EFR3B: variants seen among roughly 807,000 people sequenced by gnomAD.
EFR3B encodes EFR3 homolog B, also known as protein EFR3 homolog B.
In EFR3B, 64 loss-of-function variants were observed where a neutral mutation model predicts 104.7. That is an observed-to-expected ratio of 0.61 (90% confidence interval 0.50 to 0.75). The LOEUF (loss-of-function observed/expected upper bound fraction) is 0.75, where lower values mean the gene tolerates loss of function less well. Among genes scored for constraint, EFR3B ranks in the 30% least tolerant of loss-of-function variants. EFR3B has a pLI of 0.00. For synonymous variants in EFR3B, 385 were observed against 417.9 expected, an observed-to-expected ratio of 0.92 and a Z score of 0.96; for missense variants, 750 against 1,078.5, an observed-to-expected ratio of 0.70 and a Z score of 4.27.
Position 25,139,123 on chromosome 2 carries a change from G to T in EFR3B, c.1787G>T (p.Gly596Val), listed in dbSNP as rs1267618542. The stretch of plus-strand genomic sequence containing the variant: ...AACCGCTGTGCCCTCTATGCTCTGG[G>T]CGCAGCCTACCTGAACCTCATCAGT... ...VYNRCALYAL[G>V]AAYLNLISQL... Residue 596 changes from glycine (G) to valine (V), a missense_variant, in exon 16 of 23, where the codon GGC becomes GTC. Physicochemically the swap from Gly to Val is moderately radical, Grantham distance 109 (BLOSUM62 -3). Coordinates refer to ENST00000403714, the MANE Select transcript of EFR3B (RefSeq NM_014971.2). 10 of 1,551,684 alleles carry T rather than the reference G, an allele frequency of 6.4e-6. 1 individual carries two copies. The highest frequency in any genetic ancestry group is 1.7e-4 in the Middle Eastern group (1 of 5,992).
Position 25,137,240 on chromosome 2 carries a change from A to G in EFR3B, c.1561-101A>G. ...CTCCCCAAGGGAGGAGGGGGCACAC[A>G]GCCATCCTGCCCCCCTTCAGATTGG... On this transcript the variant is annotated intron_variant, in intron 14 of 22. Transcript: ENST00000403714. The surrounding 1 kb of genome is among the most constrained non-coding windows in gnomAD (Gnocchi z 4.7). The G allele has an allele frequency of 7.3e-7, 1 of 1,362,238 alleles. No individual in the cohort carries two copies. Among genetic ancestry groups the G allele is most frequent in the Non-Finnish European group, 1.0e-6 (1 of 999,020 alleles). 84.4% of individuals were successfully genotyped at this position (1,362,238 alleles called of 1,614,324 possible).
At chr2:25,151,198 C>T (rs930783042) in intron 20 of EFR3B, among the ~76,000 whole-genome samples, 1 of 152,100 alleles carries the variant, frequency 6.6e-6, no homozygotes, top group African/African-American at 2.4e-5. Flanking sequence ...CCCTGCCACA[C>T]GTGTTTCATG....
At chr2:25,126,209 C>T (rs1340639005) in intron 5 of EFR3B, among the ~76,000 whole-genome samples, 2 of 152,138 alleles carry the variant, frequency 1.3e-5, no homozygotes, top group Non-Finnish European at 1.5e-5. Context: ...GACAGAGTTT[C>T]ACTCTTTCAT....
intron 1 of EFR3B, among the ~76,000 whole-genome samples, chr2:25,071,030 G>A (rs190406620): frequency 1.3e-5 from 2 of 152,034 alleles, no homozygotes; most frequent in Admixed American, 1.3e-4. Flanking sequence ...GTGCGATCTG[G>A]GCTCACTGCA....
chr2:25,047,569 A>G (rs1251601118), intron 1 of EFR3B, among the ~76,000 whole-genome samples: 1 of 150,924 alleles, frequency 6.6e-6, no homozygotes, highest in Non-Finnish European at 1.5e-5. Context: ...CGTGGTCTTG[A>G]CTCACTGCAA....
chr2:25,042,615 G>C lies in EFR3B; in HGVS notation c.7+296G>C, dbSNP rs1163861290. 2 of 1,174,984 alleles carry C rather than the reference G, an allele frequency of 1.7e-6. No individual in the cohort carries two copies. Among genetic ancestry groups the C allele is most frequent in the East Asian group, 3.7e-5 (1 of 26,732 alleles). The allele number at this position is 1,174,984 out of a possible 1,614,324, so 72.8% of individuals were successfully genotyped here. A position where few individuals can be genotyped will look rare whatever the true frequency, so the allele number is the denominator to read the frequency against. ...GGTCTCCCGGAGCCGAGCAGACCGGGAGTGCTGGAGGAGGTGGTCGTGTGG... is the reference window on the plus strand; with the variant it reads ...GGTCTCCCGGAGCCGAGCAGACCGGCAGTGCTGGAGGAGGTGGTCGTGTGG... On this transcript the variant is annotated intron_variant, in intron 1 of 22. Transcript: ENST00000403714. The surrounding 1 kb of genome is among the most constrained non-coding windows in gnomAD (Gnocchi z 5.4).
intron 5 of EFR3B, among the ~76,000 whole-genome samples, chr2:25,124,522 T>C (rs2083115): frequency 0.24 from 36,033 of 151,098 alleles, 5,227 homozygotes; most frequent in East Asian, 0.53. Flanking sequence ...GTCAGGAGAT[T>C]GAGATGGAGA....
chr2:25,053,186 C>T (rs1667927160), intron 1 of EFR3B, among the ~76,000 whole-genome samples: 1 of 152,184 alleles, frequency 6.6e-6, no homozygotes, highest in South Asian at 2.1e-4. Context: ...GGTCCCAGGC[C>T]AGTCAACAGC....
intron 2 of EFR3B, 23 bp from the exon 3 acceptor site, chr2:25,092,980 G>C (rs962202993): frequency 6.5e-7 from 1 of 1,540,764 alleles, no homozygotes; most frequent in Non-Finnish European, 8.7e-7. Flanking sequence ...GCCATAGTGA[G>C]CACAAGCTGT....
chr2:25,081,548 G>A (rs1668807023), intron 1 of EFR3B: 2 of 1,008,884 alleles, frequency 2.0e-6, no homozygotes, highest in Non-Finnish European at 1.6e-6. Context: ...CTGTGCTATT[G>A]CTGCTGTACT....
chr2:25,078,007 G>C (rs1016997295), intron 1 of EFR3B, among the ~76,000 whole-genome samples: 4 of 152,118 alleles, frequency 2.6e-5, no homozygotes, highest in African/African-American at 9.7e-5. Flanking sequence ...AGCCTTCCTA[G>C]ATTCATTAAA....
intron 1 of EFR3B, among the ~76,000 whole-genome samples, chr2:25,064,574 A>G (rs75871038): frequency 0.02 from 3,012 of 152,266 alleles, 90 homozygotes; most frequent in African/African-American, 0.069. Context: ...TCTACTCGCT[A>G]TGATGCAAGC....
At chr2:25,048,739 T>C (rs980859680) in intron 1 of EFR3B, among the ~76,000 whole-genome samples, 12 of 152,196 alleles carry the variant, frequency 7.9e-5, no homozygotes, top group Non-Finnish European at 1.5e-4. Context: ...TACTCTCTAT[T>C]CCAATATTAT....
Position 25,137,106 on chromosome 2 carries a change from T to C in EFR3B, c.1561-235T>C, listed in dbSNP as rs1670535725. Among the ~76,000 whole-genome samples, 1 of 152,172 alleles carries C rather than the reference T, an allele frequency of 6.6e-6. No homozygotes were observed. Among genetic ancestry groups the C allele is most frequent in the Non-Finnish European group, 1.5e-5 (1 of 68,026 alleles). On this transcript the variant is annotated intron_variant, in intron 14 of 22. Transcript: ENST00000403714. This position sits in a 1 kb window ranked among gnomAD's most constrained non-coding sequence, Gnocchi z 4.7. Reference sequence around the variant, plus strand: ...AGTGACTGTGTTCTGCTCCTACACCTGGATTTGGGCAGCAGCTTCTGGTGC... The same window carrying C: ...AGTGACTGTGTTCTGCTCCTACACCCGGATTTGGGCAGCAGCTTCTGGTGC...
In EFR3B at chr2:25,131,562, CAG is replaced by C; in HGVS notation, c.985+66_985+67del. The stretch of plus-strand genomic sequence containing the variant: ...ACCCCGCGGAGGCTGCCGCCTCTTA[CAG>C]AGAGAGGCAAGGGACAACAGGGAGG... On this transcript the variant is annotated intron_variant, in intron 9 of 22. Transcript: ENST00000403714. This position sits in a 1 kb window ranked among gnomAD's most constrained non-coding sequence, Gnocchi z 7.6. 6.5e-7 allele frequency: 1 copy of C among 1,540,856 alleles called. No homozygotes were observed. Among genetic ancestry groups the C allele is most frequent in the Non-Finnish European group, 8.8e-7 (1 of 1,141,514 alleles).
At chr2:25,146,804 G>A (rs1670829781) in intron 19 of EFR3B, 1 of 152,392 alleles carries the variant, frequency 6.6e-6, no homozygotes, top group African/African-American at 2.4e-5. Flanking sequence ...TCAGCCATCA[G>A]TGCCAGTCCA....
At position 25,049,933 on chromosome 2, in the gene EFR3B, T is replaced by C. The variant is rs61712548; in HGVS notation, c.7+7614T>C. 1.0e-2 allele frequency among the ~76,000 whole-genome samples: 1,453 copies of C among 145,772 alleles called. 13 individuals are homozygous for C. Among genetic ancestry groups the C allele is most frequent in the Non-Finnish European group, 0.015 (997 of 67,068 alleles). ...AGTTCAAGTCCAGCCTAACCAACAT[T>C]GTGAAACGACATTTCTACTAAAAAA... On this transcript the variant is annotated intron_variant, in intron 1 of 22. Transcript: ENST00000403714.
At chr2:25,101,483 G>A (rs1406412774) in intron 3 of EFR3B, among the ~76,000 whole-genome samples, 1 of 152,078 alleles carries the variant, frequency 6.6e-6, no homozygotes, top group Non-Finnish European at 1.5e-5. Flanking sequence ...TGAGTAGCTG[G>A]GATTACAGGC....
At chr2:25,105,536 T>C (rs1467338001) in intron 4 of EFR3B, among the ~76,000 whole-genome samples, 2 of 152,238 alleles carry the variant, frequency 1.3e-5, no homozygotes, top group Non-Finnish European at 2.9e-5. Flanking sequence ...CTTCCAACTT[T>C]CCTTCCAAGG....
Sources: gnomAD v4.1 joint callset for allele counts (sites outside exome capture counted in the v4.1 genomes callset) on GRCh38, gnomAD v4.1.1 for gene constraint, Gnocchi (gnomAD v3.1) non-coding constraint, MANE v1.5 for transcripts, NCBI Gene and HGNC (gene_info 2026-07-23, HGNC 2026-07-21) for gene names.